The following TRIM33 variants were observed in gnomAD, a reference collection of about 807,000 sequenced individuals.
TRIM33 encodes the protein tripartite motif containing 33, also known as E3 ubiquitin-protein ligase TRIM33.
In TRIM33, 20 loss-of-function variants were observed where a neutral mutation model predicts 125.4. That is an observed-to-expected ratio of 0.16 (90% CI 0.11 to 0.23). TRIM33 has a LOEUF of 0.23. Among genes scored for constraint, TRIM33 ranks in the 10% least tolerant of loss-of-function variants. The pLI, the probability that TRIM33 is intolerant of heterozygous loss-of-function variation, is 1.00. For synonymous variants in TRIM33, 564 were observed against 513.9 expected, an observed-to-expected ratio of 1.10 and a Z score of -1.32; for missense variants, 920 against 1,411.4, an observed-to-expected ratio of 0.65 and a Z score of 5.58.
At chr1:114,439,468 C>CA (rs59231995) in intron 4 of TRIM33, among the ~76,000 whole-genome samples, 570 of 45,956 alleles carry the variant, frequency 0.012, 29 homozygotes, top group East Asian at 0.025. Context: ...GACTCTGTAT[C>CA]AAAAAAAAAA....
intron 1 of TRIM33, among the ~76,000 whole-genome samples, chr1:114,483,601 C>T (rs71664848): frequency 0.13 from 20,345 of 151,654 alleles, 1,757 homozygotes; most frequent in Non-Finnish European, 0.19. Flanking sequence ...TTAGTAGAGA[C>T]GGGGTTTCGC....
intron 1 of TRIM33, among the ~76,000 whole-genome samples, chr1:114,492,764 G>A (rs984635420): frequency 6.6e-6 from 1 of 152,062 alleles, no homozygotes; most frequent in African/African-American, 2.4e-5. Flanking sequence ...TCCTTTTCAG[G>A]ACCAAATAAT....
chr1:114,462,577 C>A (rs1301721779), intron 4 of TRIM33, among the ~76,000 whole-genome samples: 1 of 152,128 alleles, frequency 6.6e-6, no homozygotes, highest in African/African-American at 2.4e-5. Flanking sequence ...AGTTTCCAAA[C>A]CGTTCATATG....
chr1:114,432,355 C>A (rs1244981406), intron 5 of TRIM33, among the ~76,000 whole-genome samples: 1 of 152,220 alleles, frequency 6.6e-6, no homozygotes, highest in African/African-American at 2.4e-5. Flanking sequence ...AAACAGTCTT[C>A]TCCAAATCAA....
chr1:114,399,553 C>G lies in TRIM33; in HGVS notation c.3024G>C (p.Lys1008Asn). The G allele has an allele frequency of 6.2e-7, 1 of 1,611,630 alleles. No homozygotes were observed. The highest frequency in any genetic ancestry group is 8.5e-7 in the Non-Finnish European group (1 of 1,178,052). The change falls in exon 18 of 20, where the codon AAG becomes AAC. Residue 1008 changes from lysine to asparagine, a missense_variant. Coordinates refer to ENST00000358465, the MANE Select transcript of TRIM33 (RefSeq NM_015906.4). ...KKPMDLSTVK[K>N]KLQKKHSQHY... The stretch of plus-strand genomic sequence containing the variant: ...GTTGGGAATGTTTTTTCTGAAGCTT[C>G]TTTTTCACGGTGGATAAATCCATTG...
chr1:114,489,329 C>T (rs962653500), intron 1 of TRIM33, among the ~76,000 whole-genome samples: 4 of 152,196 alleles, frequency 2.6e-5, no homozygotes, highest in Non-Finnish European at 4.4e-5. Flanking sequence ...AAACCTAAAA[C>T]TGTAAAGCTC....
intron 1 of TRIM33, among the ~76,000 whole-genome samples, chr1:114,478,412 G>A (rs1167199621): frequency 6.6e-6 from 1 of 152,110 alleles, no homozygotes; most frequent in East Asian, 1.9e-4. Flanking sequence ...ACAGCAAGCA[G>A]CAGATCAACC....
intron 1 of TRIM33, among the ~76,000 whole-genome samples, chr1:114,499,882 C>T (rs1312100687): frequency 7.2e-5 from 11 of 152,146 alleles, no homozygotes; most frequent in South Asian, 4.1e-4. Context: ...AAAAATAGGT[C>T]GGGCACAGTG....
chr1:114,447,157 T>C (rs1467272658), intron 4 of TRIM33, among the ~76,000 whole-genome samples: 3 of 152,072 alleles, frequency 2.0e-5, no homozygotes, highest in African/African-American at 4.8e-5. Context: ...ACTCTAGCAG[T>C]TGTATTAAGA....
At chr1:114,467,011 C>T (rs571664951) in intron 1 of TRIM33, among the ~76,000 whole-genome samples, 3 of 152,230 alleles carry the variant, frequency 2.0e-5, no homozygotes, top group South Asian at 4.1e-4. Flanking sequence ...AATTGAGGTT[C>T]GGAGAGATTA....
intron 11 of TRIM33, chr1:114,420,518 T>G: frequency 1.2e-6 from 1 of 804,994 alleles, no homozygotes; most frequent in Non-Finnish European, 1.9e-6. Flanking sequence ...ACCATTATTG[T>G]ACTTCTGTTT....
rs955917675 is a variant in TRIM33, at chr1:114,402,658, A to T, written c.2892+102T>A. ...ATCAGATGACAGGATTAAAAATTAA[A>T]TGTTATCAGGTTTTGTGTATGCTAC... On this transcript the variant is annotated intron_variant, in intron 16 of 19. Coordinates refer to ENST00000358465, the MANE Select transcript of TRIM33 (RefSeq NM_015906.4). 1.7e-5 allele frequency: 22 copies of T among 1,323,978 alleles called. 1 individual carries two copies. The African/African-American group carries it at 1.8e-4, about 11-fold the overall frequency. 82.0% of individuals were successfully genotyped at this position (1,323,978 alleles called of 1,614,324 possible). A position where few individuals can be genotyped will look rare whatever the true frequency, so the allele number is the denominator to read the frequency against.
At chr1:114,428,511 C>T (rs1338956871) in intron 6 of TRIM33, among the ~76,000 whole-genome samples, 2 of 152,136 alleles carry the variant, frequency 1.3e-5, no homozygotes, top group African/African-American at 2.4e-5. Flanking sequence ...AAAATCACCC[C>T]AGGAGGGATG....
Position 114,397,199 on chromosome 1 carries a change from A to G in TRIM33, c.*449T>C, listed in dbSNP as rs1196317744. On this transcript the variant is annotated 3_prime_UTR_variant, in exon 20 of 20. Coordinates refer to ENST00000358465, the MANE Select transcript of TRIM33 (RefSeq NM_015906.4). ...GGGTTTTTAACTAGAAAACAACCTGATATGTATGTGTGTGAAGGGGGAGGG... is the reference window on the plus strand; with the variant it reads ...GGGTTTTTAACTAGAAAACAACCTGGTATGTATGTGTGTGAAGGGGGAGGG... 1 of 234,824 alleles carries G rather than the reference A, an allele frequency of 4.3e-6. No individual in the cohort carries two copies. 14.5% of individuals were successfully genotyped at this position (234,824 alleles called of 1,614,324 possible). A position where few individuals can be genotyped will look rare whatever the true frequency, so the allele number is the denominator to read the frequency against.
chr1:114,395,553 C>T lies in TRIM33; in HGVS notation c.*2095G>A, dbSNP rs1125002. 6,416 of 201,370 alleles carry T rather than the reference C, an allele frequency of 0.032. 160 individuals are homozygous for T. Among genetic ancestry groups the T allele is most frequent in the Non-Finnish European group, 0.049 (4,800 of 97,786 alleles). 12.5% of individuals were successfully genotyped at this position (201,370 alleles called of 1,614,324 possible). A position where few individuals can be genotyped will look rare whatever the true frequency, so the allele number is the denominator to read the frequency against. ...AAAATGAAGTTATACTGCTGCTATT[C>T]CTCACTTTCCAAAAATGTGCCCTTA... On this transcript the variant is annotated 3_prime_UTR_variant, in exon 20 of 20. Transcript: ENST00000358465.
chr1:114,463,072 TATTTCCTG>T (rs1650088939), intron 4 of TRIM33, 24 bp downstream of exon 4: 1 of 1,537,656 alleles, frequency 6.5e-7, no homozygotes, highest in African/African-American at 1.4e-5. Context: ...CTTTTTATAG[TATTTCCTG>T]GTAAGCAATT....
intron 4 of TRIM33, among the ~76,000 whole-genome samples, chr1:114,454,406 C>G (rs1467359927): frequency 1.3e-5 from 2 of 152,106 alleles, no homozygotes; most frequent in Non-Finnish European, 2.9e-5. Context: ...AAAAAGTAGG[C>G]CAGGCATGGT....
At chr1:114,434,631 T>C (rs1253382839) in intron 4 of TRIM33, among the ~76,000 whole-genome samples, 1 of 152,236 alleles carries the variant, frequency 6.6e-6, no homozygotes, top group Non-Finnish European at 1.5e-5. Flanking sequence ...AAATTATTTA[T>C]TAGGTTTTTA....
At chr1:114,415,141 C>T (rs1652856264) in intron 11 of TRIM33, among the ~76,000 whole-genome samples, 1 of 151,704 alleles carries the variant, frequency 6.6e-6, no homozygotes, top group Non-Finnish European at 1.5e-5. Flanking sequence ...AATACAGGTC[C>T]ATGCCAAGAT....
Sources: gnomAD v4.1 joint callset for allele counts (sites outside exome capture counted in the v4.1 genomes callset) on GRCh38, gnomAD v4.1.1 for gene constraint, MANE v1.5 for transcripts, NCBI Gene and HGNC (gene_info 2026-07-23, HGNC 2026-07-21) for gene names.